The following CA6 variants were observed in gnomAD, a reference collection of about 807,000 sequenced individuals.
CA6 encodes carbonate dehydratase VI.
Under a neutral mutation model 35.9 loss-of-function variants are expected in CA6, and 28 were observed. That is an observed-to-expected ratio of 0.78 (90% CI 0.58 to 1.07). The LOEUF is 1.07. CA6 is among the 50% of genes least tolerant of loss of function. The pLI, the probability that CA6 is intolerant of heterozygous loss-of-function variation, is 0.00. For synonymous variants in CA6, 148 were observed against 152.6 expected (o/e 0.97, Z 0.22); for missense variants, 377 against 382.0 (o/e 0.99, Z 0.11).
At chr1:8,971,863 G>T (rs761096658) in intron 7 of CA6, among the ~76,000 whole-genome samples, 2 of 152,134 alleles carry the variant, frequency 1.3e-5, no homozygotes, top group East Asian at 3.9e-4. Context: ...GGCTCACCTC[G>T]TTTCTGTGTT....
At position 8,949,363 on chromosome 1, in the gene CA6, C is replaced by T. The variant is rs766404082; in HGVS notation, c.180C>T (p.Asn60=). 1.2e-6 allele frequency: 2 copies of T among 1,613,438 alleles called. No homozygotes were observed. The highest frequency in any genetic ancestry group is 1.7e-4 in the Middle Eastern group (1 of 6,058). The change falls in exon 2 of 8, where the codon AAC becomes AAT. Residue 60 remains asparagine, a synonymous_variant. Coordinates refer to ENST00000377443, the MANE Select transcript of CA6 (RefSeq NM_001215.4). The stretch of plus-strand genomic sequence containing the variant: ...TACAGAGGACGAAGGTGCGGTACAA[C>T]CCCTCCTTGAAGGGGCTCAATATGA... ...INLQRTKVRY[N]PSLKGLNMTG...
At chr1:8,953,602 AC>A (rs1173805350) in intron 2 of CA6, among the ~76,000 whole-genome samples, 1 of 151,718 alleles carries the variant, frequency 6.6e-6, no homozygotes, top group East Asian at 1.9e-4. Context: ...AGCCTGGGTG[AC>A]AGAGCAAGAC....
At position 8,970,935 on chromosome 1, in the gene CA6, C is replaced by T. The variant is rs1640094053; in HGVS notation, c.798C>T (p.Thr266=). The stretch of plus-strand genomic sequence containing the variant: ...CCATCCACAACGATTACCGCAGGAC[C>T]CAGCCCCTGAACCACAGAGTGGTGG... ...NKTIHNDYRR[T]QPLNHRVVES... The change falls in exon 7 of 8, where the codon ACC becomes ACT. Residue 266 remains threonine (T), a synonymous_variant. Coordinates refer to ENST00000377443, the MANE Select transcript of CA6 (RefSeq NM_001215.4). The T allele has an allele frequency of 6.2e-7, 1 of 1,613,926 alleles. No individual in the cohort carries two copies. Among genetic ancestry groups the T allele is most frequent in the Non-Finnish European group, 8.5e-7 (1 of 1,179,944 alleles).
intron 2 of CA6, among the ~76,000 whole-genome samples, chr1:8,955,342 C>T (rs1317116430): frequency 6.6e-6 from 1 of 152,178 alleles, no homozygotes; most frequent in Non-Finnish European, 1.5e-5. Context: ...TGCCACTGCA[C>T]TCCAGGCTGG....
intron 6 of CA6, 57 bp downstream of exon 6, chr1:8,967,873 G>T (rs1569719650): frequency 6.5e-7 from 1 of 1,541,614 alleles, no homozygotes. Flanking sequence ...GGTTAACAAG[G>T]GTTCTCCCCA....
intron 1 of CA6, among the ~76,000 whole-genome samples, chr1:8,947,444 C>A (rs912980660): frequency 6.6e-6 from 1 of 152,062 alleles, no homozygotes; most frequent in Non-Finnish European, 1.5e-5. Context: ...TTAGGGACAT[C>A]CTGGGAGGTT....
At chr1:8,973,710 CTCTTTCTTTCTTTCTTTCTTTCTT>C (rs1173408031) in intron 7 of CA6, among the ~76,000 whole-genome samples, 37 of 106,426 alleles carry the variant, frequency 3.5e-4, no homozygotes, top group Non-Finnish European at 2.3e-4. Context: ...TTCTTTCTCT[CTCTTTCTTTCTTTCTTTCTTTCTT>C]TCTTTCTTTC....
Position 8,974,745 on chromosome 1 carries a change from C to T in CA6, c.*41C>T. On this transcript the variant is annotated 3_prime_UTR_variant, in exon 8 of 8. Coordinates refer to ENST00000377443, the MANE Select transcript of CA6 (RefSeq NM_001215.4). ...AGATTCAATATTAACTAGCTTGAAGCCTGACCTAGCCAGAAGTGCCTGTCC... is the reference window on the plus strand; with the variant it reads ...AGATTCAATATTAACTAGCTTGAAGTCTGACCTAGCCAGAAGTGCCTGTCC... 7.9e-7 allele frequency: 1 copy of T among 1,268,510 alleles called. No individual in the cohort carries two copies. Among genetic ancestry groups the T allele is most frequent in the South Asian group, 1.4e-5 (1 of 72,362 alleles). 78.6% of individuals were successfully genotyped at this position (1,268,510 alleles called of 1,614,324 possible). A position where few individuals can be genotyped will look rare whatever the true frequency, so the allele number is the denominator to read the frequency against.
chr1:8,973,208 T>G (rs766398402), intron 7 of CA6, among the ~76,000 whole-genome samples: 72 of 152,156 alleles, frequency 4.7e-4, no homozygotes, highest in Non-Finnish European at 8.4e-4. Context: ...TTAGTAGAGA[T>G]GGGATTTCAC....
chr1:8,946,826 CAG>C (rs1639380085), intron 1 of CA6, among the ~76,000 whole-genome samples: 1 of 118,644 alleles, frequency 8.4e-6, no homozygotes, highest in African/African-American at 3.5e-5. Context: ...TTTTTTGAGA[CAG>C]AGTCTTGCTC....
rs142792197 is a variant in CA6, at chr1:8,956,275, C to T, written c.260-862C>T. ...CATGAGACACATGCTGCCTTTCCAACGCCGAAATTATATCCTCATAGATAT... is the reference window on the plus strand; with the variant it reads ...CATGAGACACATGCTGCCTTTCCAATGCCGAAATTATATCCTCATAGATAT... On this transcript the variant is annotated intron_variant, in intron 2 of 7. Coordinates refer to ENST00000377443, the MANE Select transcript of CA6 (RefSeq NM_001215.4). 9.5e-3 allele frequency among the ~76,000 whole-genome samples: 1,452 copies of T among 152,186 alleles called. 23 individuals carry two copies. The highest frequency in any genetic ancestry group is 0.034 in the African/African-American group (1,406 of 41,532).
At chr1:8,965,139 A>G (rs1428438181) in intron 5 of CA6, among the ~76,000 whole-genome samples, 1 of 152,042 alleles carries the variant, frequency 6.6e-6, no homozygotes, top group East Asian at 1.9e-4. Flanking sequence ...AGTTACTCGG[A>G]AGGCTGAGGC....
intron 7 of CA6, among the ~76,000 whole-genome samples, chr1:8,972,297 C>T (rs865997757): frequency 2.6e-5 from 4 of 152,260 alleles, no homozygotes; most frequent in Non-Finnish European, 5.9e-5. Context: ...GCAATCCTCC[C>T]CCCTCAGCCT....
chr1:8,974,519 C>T, intron 7 of CA6, 103 bp from the exon 8 acceptor site: 1 of 1,431,584 alleles, frequency 7.0e-7, no homozygotes, highest in Non-Finnish European at 9.5e-7. Flanking sequence ...CAAAAGACTT[C>T]CCAAAAATAC....
At chr1:8,950,226 G>C (rs1447650793) in intron 2 of CA6, among the ~76,000 whole-genome samples, 1 of 151,934 alleles carries the variant, frequency 6.6e-6, no homozygotes, top group Admixed American at 6.6e-5. Flanking sequence ...CAAGTTATCT[G>C]CCCACCTTAG....
Position 8,957,229 on chromosome 1 carries a change from T to A in CA6, c.352T>A (p.Ser118Thr). 6.2e-7 allele frequency: 1 copy of A among 1,614,126 alleles called. No homozygotes were observed. Among genetic ancestry groups the A allele is most frequent in the Non-Finnish European group, 8.5e-7 (1 of 1,180,010 alleles). ...GATGCACTTTCACTGGGGAGGTGCGTCCTCGGAGATCAGCGGCTCTGAGCA... is the reference window on the plus strand; with the variant it reads ...GATGCACTTTCACTGGGGAGGTGCGACCTCGGAGATCAGCGGCTCTGAGCA... ...QQMHFHWGGASSEISGSEHTV... is the reference protein window; with the variant it reads ...QQMHFHWGGATSEISGSEHTV... The change falls in exon 3 of 8, where the codon TCC becomes ACC. Residue 118 changes from serine to threonine, a missense_variant. Coordinates refer to ENST00000377443, the MANE Select transcript of CA6 (RefSeq NM_001215.4).
In CA6 at chr1:8,970,892, T is replaced by G. The variant is rs753409411; in HGVS notation, c.755T>G (p.Leu252Arg). The change falls in exon 7 of 8, where the codon CTG becomes CGG. Residue 252 changes from leucine (L) to arginine (R), a missense_variant. Coordinates refer to ENST00000377443, the MANE Select transcript of CA6 (RefSeq NM_001215.4). ...TQVWKLENSL[L>R]DHRNKTIHND... ...GTTTGGAAGCTGGAGAATTCCTTACTGGATCACCGCAACAAGACCATCCAC... is the reference window on the plus strand; with the variant it reads ...GTTTGGAAGCTGGAGAATTCCTTACGGGATCACCGCAACAAGACCATCCAC... 11 of 1,613,794 alleles carry G rather than the reference T, an allele frequency of 6.8e-6. No homozygotes were observed. In the South Asian group the frequency reaches 1.2e-4, roughly 18 times the overall value.
chr1:8,954,562 C>T (rs1036561905), intron 2 of CA6, among the ~76,000 whole-genome samples: 1 of 152,130 alleles, frequency 6.6e-6, no homozygotes, highest in East Asian at 1.9e-4. Flanking sequence ...CTCTTGGGGT[C>T]TGGATTGGGA....
intron 7 of CA6, among the ~76,000 whole-genome samples, chr1:8,971,715 A>G (rs1012441489): frequency 2.2e-4 from 34 of 152,176 alleles, no homozygotes; most frequent in African/African-American, 6.5e-4. Context: ...CTCAAAGTGG[A>G]GTTAACTAGA....
Sources: allele counts gnomAD v4.1 joint callset (sites outside exome capture counted in the v4.1 genomes callset), GRCh38; gene constraint gnomAD v4.1.1; transcripts MANE v1.5; gene names NCBI Gene and HGNC (gene_info 2026-07-23, HGNC 2026-07-21).